Variants in GATD1 observed in about 807,000 individuals in gnomAD.
GATD1 encodes glutamine amidotransferase-like class 1 domain-containing protein 1.
In GATD1, 23 loss-of-function variants were observed where a neutral mutation model predicts 25.9. The observed-to-expected ratio is 0.89, with a 90% CI of 0.64 to 1.26. GATD1 has a LOEUF of 1.26. Among genes scored for constraint, GATD1 ranks in the 50% most tolerant of loss-of-function variants. The pLI is 0.00. For synonymous variants in GATD1, 177 were observed against 134.6 expected, an observed-to-expected ratio of 1.31 and a Z score of -2.18; for missense variants, 347 against 312.5, an observed-to-expected ratio of 1.11 and a Z score of -0.83.
At position 769,857 on chromosome 11, in the gene GATD1, C is replaced by T; in HGVS notation, c.*1040G>A. 1.1e-6 allele frequency: 1 copy of T among 891,936 alleles called. No individual in the cohort carries two copies. Among genetic ancestry groups the T allele is most frequent in the Non-Finnish European group, 1.3e-6 (1 of 744,474 alleles). The allele number at this position is 891,936 out of a possible 1,614,324, so 55.3% of individuals were successfully genotyped here. ...GGTCTCGATCTCCTGACCTCGTGAT[C>T]CGCCCGCCTCGGCCTCCCAAAGTGC... On this transcript the variant is annotated 3_prime_UTR_variant, in exon 8 of 8. Transcript: ENST00000319863.
At chr11:772,687 C>T in intron 4 of GATD1, 166 bp from the exon 5 acceptor site, 2 of 638,538 alleles carry the variant, frequency 3.1e-6, no homozygotes, top group South Asian at 1.8e-5. Flanking sequence ...CCTGGCTCAG[C>T]CCGCACAGCT....
At chr11:774,959 G>A in intron 2 of GATD1, 107 bp downstream of exon 2, 2 of 1,015,332 alleles carry the variant, frequency 2.0e-6, no homozygotes, top group Non-Finnish European at 2.9e-6. Context: ...ACCAACTGCA[G>A]GGGCTCCCCA....
intron 1 of GATD1, 64 bp downstream of exon 1, chr11:777,335 T>C: frequency 8.5e-7 from 1 of 1,177,330 alleles, no homozygotes; most frequent in East Asian, 3.7e-5. Context: ...GTCCCGAACC[T>C]CCCGCCCCGG....
At chr11:773,744 G>T in intron 3 of GATD1, 115 bp from the exon 4 acceptor site, 1 of 782,436 alleles carries the variant, frequency 1.3e-6, no homozygotes, top group Admixed American at 2.8e-5. Flanking sequence ...CCAGCCTGGT[G>T]ATGTCATCTG....
At chr11:772,045 G>A (rs1863497169) in intron 5 of GATD1, among the ~76,000 whole-genome samples, 1 of 152,188 alleles carries the variant, frequency 6.6e-6, no homozygotes, top group African/African-American at 2.4e-5. Context: ...ATTGACAAAG[G>A]CTGTGTCTCC....
chr11:777,293 G>A, intron 1 of GATD1, 106 bp downstream of exon 1: 2 of 937,982 alleles, frequency 2.1e-6, no homozygotes, highest in Non-Finnish European at 2.7e-6. Flanking sequence ...AGCGGCCTCG[G>A]CCTCCGGCGC....
chr11:773,527 TCA>T lies in GATD1; in HGVS notation c.348_349del (p.Ser118GlnfsTer37), dbSNP rs1399395216. 1.9e-6 allele frequency: 3 copies of T among 1,609,806 alleles called. No individual in the cohort carries two copies. The highest frequency in any genetic ancestry group is 2.5e-6 in the Non-Finnish European group (3 of 1,178,800). On this transcript the variant is annotated frameshift_variant, in exon 4 of 8. Transcript: ENST00000319863. LOFTEE classifies it high-confidence loss of function. ...GGGTCCCAGGGGTCACCTACTGCTC[TCA>T]GAGTGGAAGTGCTGCAGGATACGGG...
In GATD1 at chr11:774,081, C is replaced by T. The variant is rs748404684; in HGVS notation, c.174G>A (p.Glu58=). ...AGTCTTGCACCCAGCGTGCATTGCT[C>T]TCAGTCACATCCACAAATTCCATGG... ...GKAMEFVDVT[E]SNARWVQDFR... Residue 58 remains glutamate (E), a synonymous_variant, in exon 3 of 8, where the codon GAG becomes GAA. Coordinates refer to ENST00000319863, the MANE Select transcript of GATD1 (RefSeq NM_182612.4). 2.4e-5 allele frequency: 38 copies of T among 1,613,600 alleles called. 2 individuals are homozygous for T. In the South Asian group the frequency reaches 4.2e-4, roughly 18 times the overall value.
intron 4 of GATD1, chr11:772,733 A>C: frequency 1.7e-6 from 1 of 589,096 alleles, no homozygotes; most frequent in Non-Finnish European, 3.0e-6. Context: ...CTGGTGCTTC[A>C]GGACTAGGCT....
intron 4 of GATD1, among the ~76,000 whole-genome samples, chr11:772,987 A>T (rs1331753477): frequency 1.3e-5 from 2 of 152,186 alleles, no homozygotes; most frequent in Non-Finnish European, 2.9e-5. Context: ...CGAAAGGCTG[A>T]GTGTGTTCCC....
intron 1 of GATD1, 63 bp downstream of exon 1, chr11:777,335 TC>T: frequency 1.7e-6 from 2 of 1,177,328 alleles, no homozygotes; most frequent in South Asian, 3.3e-5. Flanking sequence ...GTCCCGAACC[TC>T]CCGCCCCGGG....
rs1212913845 is a variant in GATD1, at chr11:777,480, G to A, written c.-18C>T. 1.7e-6 allele frequency: 2 copies of A among 1,206,208 alleles called. No homozygotes were observed. The highest frequency in any genetic ancestry group is 1.0e-6 in the Non-Finnish European group (1 of 970,244). The allele number at this position is 1,206,208 out of a possible 1,614,324, so 74.7% of individuals were successfully genotyped here. A position where few individuals can be genotyped will look rare whatever the true frequency, so the allele number is the denominator to read the frequency against. The stretch of plus-strand genomic sequence containing the variant: ...GACGCCATGGCTCGGGCTCGGCGCT[G>A]GGTCTGCGCGTGCGCGGCGTCTGGG... On this transcript the variant is annotated 5_prime_UTR_variant, in exon 1 of 8. Coordinates refer to ENST00000319863, the MANE Select transcript of GATD1 (RefSeq NM_182612.4).
In GATD1 at chr11:770,789, C is replaced by T; in HGVS notation, c.*108G>A. On this transcript the variant is annotated 3_prime_UTR_variant, in exon 8 of 8. Coordinates refer to ENST00000319863, the MANE Select transcript of GATD1 (RefSeq NM_182612.4). ...TCCCATCAGGGCCAGACCAGGCTGC[C>T]ATCCAGGGCCCTTGTCAGGAGGGAA... 1 of 1,529,978 alleles carries T rather than the reference C, an allele frequency of 6.5e-7. No homozygotes were observed. The highest frequency in any genetic ancestry group is 8.8e-7 in the Non-Finnish European group (1 of 1,139,910). 94.8% of individuals were successfully genotyped at this position (1,529,978 alleles called of 1,614,324 possible).
At chr11:770,933 G>A in intron 7 of GATD1, 30 bp from the exon 8 acceptor site, 1 of 1,612,816 alleles carries the variant, frequency 6.2e-7, no homozygotes, top group Non-Finnish European at 8.5e-7. Context: ...TCAAAGCTTG[G>A]GCAAAAGCAC....
At chr11:771,839 CACT>C (rs1240076944) in intron 5 of GATD1, among the ~76,000 whole-genome samples, 1 of 152,124 alleles carries the variant, frequency 6.6e-6, no homozygotes, top group Non-Finnish European at 1.5e-5. Context: ...CGGAGGGCAC[CACT>C]GAGTACCCAC....
At chr11:773,049 C>T (rs1347605611) in intron 4 of GATD1, among the ~76,000 whole-genome samples, 3 of 152,322 alleles carry the variant, frequency 2.0e-5, no homozygotes, top group East Asian at 1.9e-4. Flanking sequence ...ATGCTGGGGA[C>T]GGCGGCCCCA....
At chr11:774,713 C>T (rs1210936738) in intron 2 of GATD1, among the ~76,000 whole-genome samples, 1 of 152,198 alleles carries the variant, frequency 6.6e-6, no homozygotes, top group Non-Finnish European at 1.5e-5. Context: ...GCCTGTAATC[C>T]CAGCTACTCG....
intron 2 of GATD1, among the ~76,000 whole-genome samples, chr11:774,629 G>C (rs1191757390): frequency 6.6e-6 from 1 of 152,206 alleles, no homozygotes; most frequent in Non-Finnish European, 1.5e-5. Flanking sequence ...TTGGGAGTTC[G>C]AGACCATCCT....
chr11:771,101 C>T lies in GATD1; in HGVS notation c.548G>A (p.Ser183Asn). The T allele has an allele frequency of 6.3e-7, 1 of 1,596,454 alleles. No individual in the cohort carries two copies. Among genetic ancestry groups the T allele is most frequent in the Non-Finnish European group, 8.5e-7 (1 of 1,173,636 alleles). The change falls in exon 7 of 8, where the codon AGC becomes AAC. Residue 183 changes from serine to asparagine, a missense_variant. Ser to Asn is a conservative substitution (Grantham distance 46). Transcript: ENST00000319863. ...VKDSGACFSA[S>N]EPDAVHVVLD... ...CACGACGTGGACAGCGTCAGGCTCGCTTGCTGGGGAGGACCGAGGGCACCA... is the reference window on the plus strand; with the variant it reads ...CACGACGTGGACAGCGTCAGGCTCGTTTGCTGGGGAGGACCGAGGGCACCA...
Sources: gnomAD v4.1 joint callset for allele counts (sites outside exome capture counted in the v4.1 genomes callset) on GRCh38, gnomAD v4.1.1 for gene constraint, MANE v1.5 for transcripts, NCBI Gene and HGNC (gene_info 2026-07-23, HGNC 2026-07-21) for gene names.